The following TMEM175 variants were observed in gnomAD, a reference collection of about 807,000 sequenced individuals.
The protein encoded by TMEM175 is transmembrane protein 175.
TMEM175 carries 36 observed loss-of-function variants against 36.5 expected under a neutral mutation model. The ratio of observed to expected loss-of-function variants is 0.99; its 90% CI spans 0.76 to 1.30. The LOEUF (loss-of-function observed/expected upper bound fraction) is 1.30. Among genes scored for constraint, TMEM175 ranks in the 50% most tolerant of loss-of-function variants. The pLI is 0.00. For missense variants in TMEM175, 705 were observed against 692.8 expected, an observed-to-expected ratio of 1.02 and a Z score of -0.20; for synonymous variants, 339 against 313.4, an observed-to-expected ratio of 1.08 and a Z score of -0.86.
chr4:950,541 C>A, intron 4 of TMEM175, 23 bp downstream of exon 4: 1 of 1,563,770 alleles, frequency 6.4e-7, no homozygotes, highest in Non-Finnish European at 8.8e-7. Flanking sequence ...GCGCTTCCAG[C>A]GGTCCATAGC....
At chr4:934,823 A>G (rs1726614934) in intron 1 of TMEM175, among the ~76,000 whole-genome samples, 1 of 152,250 alleles carries the variant, frequency 6.6e-6, no homozygotes, top group East Asian at 1.9e-4. Context: ...GGGGAATGAC[A>G]TCAAGAGCAT....
At chr4:949,680 C>T (rs1384182091) in intron 3 of TMEM175, among the ~76,000 whole-genome samples, 4 of 144,648 alleles carry the variant, frequency 2.8e-5, no homozygotes, top group Non-Finnish European at 4.4e-5. Context: ...CTGTTGGGAG[C>T]GTTCGTGGAG....
intron 2 of TMEM175, 107 bp from the exon 3 acceptor site, chr4:948,009 G>T (rs751227952): frequency 3.7e-6 from 6 of 1,610,714 alleles, no homozygotes; most frequent in South Asian, 3.3e-5. Flanking sequence ...AGCTCCTCAG[G>T]CAGCTTAGGG....
intron 4 of TMEM175, among the ~76,000 whole-genome samples, chr4:950,723 GTAGGTGGAGGTGTGGATGGTGCAA>G (rs1245574437): frequency 5.4e-5 from 8 of 149,036 alleles, no homozygotes; most frequent in Non-Finnish European, 8.9e-5. Context: ...GGACGGTGCA[GTAGGTGGAGGTGTGGATGGTGCAA>G]TAGGTGGAGG....
chr4:944,904 C>T (rs1353707526), intron 1 of TMEM175, among the ~76,000 whole-genome samples: 1 of 151,580 alleles, frequency 6.6e-6, no homozygotes, highest in African/African-American at 2.4e-5. Context: ...ACTTCAAGAC[C>T]AGCCTGGGCA....
chr4:948,711 G>A lies in TMEM175; in HGVS notation c.192+557G>A, dbSNP rs111851401. ...CTTAGAAGGGGAATGACTGGAGGGC[G>A]TCTGGGGCCCACACCTGCCTGGCTC... On this transcript the variant is annotated intron_variant, in intron 3 of 10. Transcript: ENST00000264771. The A allele has an allele frequency of 1.7e-3, 1,966 of 1,176,316 alleles. 30 individuals are homozygous for A. In the African/African-American group the frequency reaches 0.028, roughly 17 times the overall value. The allele number at this position is 1,176,316 out of a possible 1,614,324, so 72.9% of individuals were successfully genotyped here.
intron 8 of TMEM175, among the ~76,000 whole-genome samples, chr4:954,810 T>G (rs1050078488): frequency 6.6e-6 from 1 of 152,246 alleles, no homozygotes; most frequent in African/African-American, 2.4e-5. Flanking sequence ...CAACACCTGC[T>G]GTTTTTCAGT....
At position 958,091 on chromosome 4, in the gene TMEM175, C is replaced by T. The variant is rs570349766; in HGVS notation, c.1110C>T (p.Arg370=). 2.6e-5 allele frequency: 42 copies of T among 1,607,068 alleles called. No individual in the cohort carries two copies. The East Asian group carries it at 4.7e-4, about 18-fold the overall frequency. Residue 370 remains arginine (R), a synonymous_variant, in exon 11 of 11, where the codon CGC becomes CGT. Coordinates refer to ENST00000264771, the MANE Select transcript of TMEM175 (RefSeq NM_032326.4). ...CCTCGGCCTTCGCCCGGCAGCCCCG[C>T]GATGAGCTGGAGCGCGTGCGTGTCA... ...QQTSAFARQP[R]DELERVRVSC... is the part of the protein sequence containing the mutation.
rs752154897 is a variant in TMEM175 at position 956,439 on chromosome 4, TG to T, written c.842+553del. 199 of 1,265,158 alleles carry T rather than the reference TG, an allele frequency of 1.6e-4. No individual in the cohort carries two copies. The Middle Eastern group carries it at 0.011, about 69-fold the overall frequency. The allele number at this position is 1,265,158 out of a possible 1,614,324, so 78.4% of individuals were successfully genotyped here. A position where few individuals can be genotyped will look rare whatever the true frequency, so the allele number is the denominator to read the frequency against. On this transcript the variant is annotated intron_variant, in intron 10 of 10. Transcript: ENST00000264771. ...TCAGTCGTCACGTTTTTGGTTTTTG[TG>T]GGGTTTTTTTTTTTTTTTTTTTGAG...
chr4:953,295 C>A lies in TMEM175; in HGVS notation c.568C>A (p.Leu190Ile). 1 of 1,614,078 alleles carries A rather than the reference C, an allele frequency of 6.2e-7. No homozygotes were observed. The highest frequency in any genetic ancestry group is 8.5e-7 in the Non-Finnish European group (1 of 1,180,004). Residue 190 changes from leucine to isoleucine, a missense_variant, in exon 8 of 11, where the codon CTC (leucine) becomes ATC (isoleucine). Transcript: ENST00000264771. ...LYRRHVLGIV[L>I]QGPALCFAAA... ...CCGACGACACGTCCTGGGCATCGTC[C>A]TCCAAGGCCCGGCCCTGTGCTTTGC...
rs1200387456 is a variant in TMEM175, at chr4:958,211, G to A, written c.1230G>A (p.Trp410Ter). 6.2e-7 allele frequency: 1 copy of A among 1,602,156 alleles called. No individual in the cohort carries two copies. Among genetic ancestry groups the A allele is most frequent in the South Asian group, 1.1e-5 (1 of 90,994 alleles). The change falls in exon 11 of 11, where the codon TGG (tryptophan) becomes TGA (stop). Residue 410 changes from tryptophan to a stop codon, truncating the protein, a stop_gained. Transcript: ENST00000264771. LOFTEE classifies it low-confidence loss of function (END_TRUNC). The stretch of plus-strand genomic sequence containing the variant: ...CGGAGACGCTGCAGCCCTCGGTGTG[G>A]TTTGGCGGCCGGGAGCATGTGCTCA... ...HQAETLQPSV[W>*]FGGREHVLMF... is the part of the protein sequence containing the mutation.
intron 1 of TMEM175, among the ~76,000 whole-genome samples, chr4:941,553 G>A (rs983525986): frequency 2.7e-5 from 4 of 150,762 alleles, no homozygotes; most frequent in Admixed American, 6.6e-5. Context: ...ATACTCCTGC[G>A]TCAAACTCCC....
intron 1 of TMEM175, among the ~76,000 whole-genome samples, chr4:936,273 A>T (rs1465678553): frequency 2.7e-5 from 4 of 150,634 alleles, no homozygotes; most frequent in African/African-American, 9.8e-5. Context: ...TGAACCCGGG[A>T]GGTGGAGATT....
intron 2 of TMEM175, 68 bp downstream of exon 2, chr4:947,960 C>G (rs913915123): frequency 1.2e-6 from 2 of 1,610,942 alleles, no homozygotes; most frequent in Admixed American, 1.7e-5. Flanking sequence ...CAGCCCACCT[C>G]AGACCTGTCT....
intron 3 of TMEM175, 64 bp downstream of exon 3, chr4:948,218 G>A (rs2290403): frequency 0.36 from 573,594 of 1,612,740 alleles, 103,918 homozygotes; most frequent in Non-Finnish European, 0.37. Context: ...CCCGAGGCTC[G>A]ACCTGGCACA....
intron 10 of TMEM175, chr4:956,369 C>G: frequency 7.7e-7 from 1 of 1,291,224 alleles, no homozygotes; most frequent in Non-Finnish European, 1.0e-6. Flanking sequence ...TCTGCTCCTC[C>G]GCGGCCTCAT....
intron 1 of TMEM175, among the ~76,000 whole-genome samples, chr4:942,020 T>C (rs1727578644): frequency 1.3e-5 from 2 of 152,190 alleles, no homozygotes; most frequent in Non-Finnish European, 2.9e-5. Flanking sequence ...GAGTTAACTT[T>C]TGTATGTGTA....
rs951731167 is a variant in TMEM175 at position 938,948 on chromosome 4, A to G, written c.-32+6408A>G. ...GTCAATACAAGATTGAACAAGGACA[A>G]GACAAAATTGTGTGATTTACATTAC... On this transcript the variant is annotated intron_variant, in intron 1 of 10. Coordinates refer to ENST00000264771, the MANE Select transcript of TMEM175 (RefSeq NM_032326.4). Among the ~76,000 whole-genome samples the G allele has an allele frequency of 5.3e-5, 8 of 152,368 alleles. No individual in the cohort carries two copies. In the South Asian group the frequency reaches 1.7e-3, roughly 32 times the overall value.
intron 3 of TMEM175, among the ~76,000 whole-genome samples, chr4:949,561 C>T (rs1019964538): frequency 6.6e-6 from 1 of 152,186 alleles, no homozygotes; most frequent in African/African-American, 2.4e-5. Context: ...ACCCATGATT[C>T]GAAAAGCTAA....
Sources: gnomAD v4.1 joint callset for allele counts (sites outside exome capture counted in the v4.1 genomes callset) on GRCh38, gnomAD v4.1.1 for gene constraint, MANE v1.5 for transcripts, NCBI Gene and HGNC (gene_info 2026-07-23, HGNC 2026-07-21) for gene names.